Variants in UBE2B observed in about 807,000 individuals in gnomAD.
UBE2B encodes the protein ubiquitin-conjugating enzyme E2 B.
A neutral mutation model predicts 24.6 loss-of-function variants in UBE2B; 11 were observed. The observed-to-expected ratio is 0.45, with a 90% confidence interval of 0.28 to 0.74. The LOEUF (loss-of-function observed/expected upper bound fraction) is 0.74, where lower values mean the gene tolerates loss of function less well. Ranked by LOEUF, UBE2B falls within the 30% of genes least tolerant of loss-of-function variation. The probability of loss-of-function intolerance (pLI) is 0.13; values close to 1 mark genes in which losing one functional copy is unlikely to be tolerated. For synonymous variants in UBE2B, 68 were observed against 62.4 expected (o/e 1.09, Z -0.42); for missense variants, 78 against 185.6 (o/e 0.42, Z 3.37).
At chr5:134,382,760 C>G (rs544298730) in intron 4 of UBE2B, among the ~76,000 whole-genome samples, 2 of 148,440 alleles carry the variant, frequency 1.3e-5, no homozygotes. Flanking sequence ...GGTGACAAAG[C>G]AAGACCCTAT....
chr5:134,379,892 C>T (rs1434791008), intron 3 of UBE2B, among the ~76,000 whole-genome samples: 1 of 151,914 alleles, frequency 6.6e-6, no homozygotes, highest in African/African-American at 2.4e-5. Flanking sequence ...AATTTATATT[C>T]TGTGTAATGG....
At chr5:134,386,959 CT>C (rs1159258859) in intron 4 of UBE2B, among the ~76,000 whole-genome samples, 16,916 of 133,226 alleles carry the variant, frequency 0.13, 1,126 homozygotes, top group African/African-American at 0.18. Flanking sequence ...TAGTTTTTCA[CT>C]TTTTTTTTTT....
At position 134,371,584 on chromosome 5, in the gene UBE2B, C is replaced by T. The variant is rs371691768; in HGVS notation, c.-12C>T. 35 of 1,612,088 alleles carry T rather than the reference C, an allele frequency of 2.2e-5. No homozygotes were observed. Among genetic ancestry groups the T allele is most frequent in the Middle Eastern group, 1.7e-4 (1 of 6,034 alleles). On this transcript the variant is annotated 5_prime_UTR_variant, in exon 1 of 6. Coordinates refer to ENST00000265339, the MANE Select transcript of UBE2B (RefSeq NM_003337.4). ...TTTTTTTTTCAGACTGACCGCGGGG[C>T]AGCTGCGGAGCATGTCGACCCCGGC...
intron 4 of UBE2B, among the ~76,000 whole-genome samples, chr5:134,384,452 T>C (rs976058849): frequency 2.0e-5 from 3 of 152,188 alleles, no homozygotes; most frequent in African/African-American, 7.2e-5. Flanking sequence ...ACTGTAGCTT[T>C]ATCTTGCTTA....
At chr5:134,381,010 A>G (rs1395020232) in intron 4 of UBE2B, among the ~76,000 whole-genome samples, 4 of 116,522 alleles carry the variant, frequency 3.4e-5, no homozygotes, top group Non-Finnish European at 6.4e-5. Context: ...TCTGTCGCCC[A>G]GGCTGGAGTG....
At position 134,392,080 on chromosome 5, in the gene UBE2B, T is replaced by C. The variant is rs950321606; in HGVS notation, c.*1727T>C. The C allele has an allele frequency of 1.3e-5, 2 of 152,244 alleles. No individual in the cohort carries two copies. Among genetic ancestry groups the C allele is most frequent in the Admixed American group, 1.3e-4 (2 of 15,284 alleles). 9.4% of individuals were successfully genotyped at this position (152,244 alleles called of 1,614,324 possible). ...CGTGGCTCCCAAAAAGATGCTTTAATTGTGTGGTGCTTTTATAGTTTAGCT... is the reference window on the plus strand; with the variant it reads ...CGTGGCTCCCAAAAAGATGCTTTAACTGTGTGGTGCTTTTATAGTTTAGCT... On this transcript the variant is annotated 3_prime_UTR_variant, in exon 6 of 6. Transcript: ENST00000265339.
chr5:134,378,653 T>G (rs1489724374), intron 3 of UBE2B, among the ~76,000 whole-genome samples: 1 of 151,306 alleles, frequency 6.6e-6, no homozygotes, highest in Non-Finnish European at 1.5e-5. Context: ...GAAAAGCACT[T>G]CTACAGTTGT....
At chr5:134,381,772 C>T (rs1221918978) in intron 4 of UBE2B, among the ~76,000 whole-genome samples, 1 of 152,048 alleles carries the variant, frequency 6.6e-6, no homozygotes, top group Non-Finnish European at 1.5e-5. Flanking sequence ...GGTGAAACCC[C>T]ATCACTACTA....
At chr5:134,379,260 A>G (rs759683599) in intron 3 of UBE2B, among the ~76,000 whole-genome samples, 2 of 152,220 alleles carry the variant, frequency 1.3e-5, no homozygotes, top group Non-Finnish European at 2.9e-5. Flanking sequence ...TTCAGATTCT[A>G]TATTGCAGCA....
chr5:134,388,787 G>A (rs757621893), intron 5 of UBE2B, among the ~76,000 whole-genome samples: 9 of 152,206 alleles, frequency 5.9e-5, no homozygotes, highest in Admixed American at 2.6e-4. Flanking sequence ...ACCATTTGTC[G>A]AAGCAGTCTG....
intron 4 of UBE2B, among the ~76,000 whole-genome samples, chr5:134,387,592 C>T (rs1021411715): frequency 1.8e-4 from 28 of 152,082 alleles, no homozygotes; most frequent in Non-Finnish European, 3.4e-4. Flanking sequence ...AAGAGCATGG[C>T]GCCAGCACCT....
chr5:134,375,348 A>AT (rs1037107556), intron 2 of UBE2B, among the ~76,000 whole-genome samples: 7 of 152,068 alleles, frequency 4.6e-5, no homozygotes, highest in African/African-American at 1.4e-4. Flanking sequence ...GACTTGATCT[A>AT]TTTTTTCTTT....
chr5:134,376,340 A>ATATATATATATATAT (rs1206993709), intron 2 of UBE2B, among the ~76,000 whole-genome samples: 131 of 5,870 alleles, frequency 0.022, 4 homozygotes, highest in Non-Finnish European at 0.047. Flanking sequence ...AAAAAAAAAA[A>ATATATATATATATAT]AAAAAAAAAT....
chr5:134,388,100 C>T (rs564345034), intron 4 of UBE2B: 2 of 549,042 alleles, frequency 3.6e-6, no homozygotes, highest in East Asian at 3.2e-5. Context: ...CCGTGCCCAG[C>T]CTCCAGCAAT....
chr5:134,381,620 GGTCAA>G (rs1232215169), intron 4 of UBE2B, among the ~76,000 whole-genome samples: 1 of 152,044 alleles, frequency 6.6e-6, no homozygotes, highest in Non-Finnish European at 1.5e-5. Flanking sequence ...CCAAATTTGA[GGTCAA>G]GTTGTTTTAA....
chr5:134,377,941 G>A (rs1758636189), intron 3 of UBE2B, among the ~76,000 whole-genome samples: 1 of 152,166 alleles, frequency 6.6e-6, no homozygotes, highest in Non-Finnish European at 1.5e-5. Flanking sequence ...CACCTGTATA[G>A]CCAGCACTTT....
intron 3 of UBE2B, among the ~76,000 whole-genome samples, chr5:134,378,795 G>A (rs551973735): frequency 1.2e-3 from 182 of 152,132 alleles, no homozygotes; most frequent in Middle Eastern, 6.8e-3. Context: ...TCGGTGTGGT[G>A]GCGGGCACCT....
intron 1 of UBE2B, among the ~76,000 whole-genome samples, chr5:134,373,589 C>T (rs1417334797): frequency 6.6e-6 from 1 of 152,122 alleles, no homozygotes; most frequent in African/African-American, 2.4e-5. Flanking sequence ...CACCCATTAA[C>T]TCGTCACTTG....
chr5:134,376,194 C>T (rs1351090598), intron 2 of UBE2B, among the ~76,000 whole-genome samples: 1 of 148,934 alleles, frequency 6.7e-6, no homozygotes, highest in Non-Finnish European at 1.5e-5. Flanking sequence ...ATTAGCCAGG[C>T]ATCTGTAATC....
Sources: allele counts gnomAD v4.1 joint callset (sites outside exome capture counted in the v4.1 genomes callset), GRCh38; gene constraint gnomAD v4.1.1; transcripts MANE v1.5; gene names NCBI Gene and HGNC (gene_info 2026-07-23, HGNC 2026-07-21).